Variants in EBF2 observed in about 807,000 individuals in gnomAD.
EBF2 encodes transcription factor COE2.
In EBF2, 21 loss-of-function variants were observed where a neutral mutation model predicts 72.8. The ratio of observed to expected loss-of-function variants is 0.29; its 90% CI spans 0.20 to 0.42. The LOEUF is 0.42. Ranked by LOEUF, EBF2 falls within the 10% of genes least tolerant of loss-of-function variation. The probability of loss-of-function intolerance (pLI) is 1.00; values close to 1 mark genes in which losing one functional copy is unlikely to be tolerated. For missense variants in EBF2, 637 were observed against 731.2 expected (o/e 0.87, Z 1.49); for synonymous variants, 299 against 274.2 (o/e 1.09, Z -0.89).
At position 25,984,750 on chromosome 8, in the gene EBF2, C is replaced by G. The variant is rs144555254; in HGVS notation, c.551+48335G>C. ...CCTGCTTCTAGGTAATGAAATTTGC[C>G]CAGTATTCTTTGATATCTACATTTT... On this transcript the variant is annotated intron_variant, in intron 6 of 15. Transcript: ENST00000520164. 3.4e-4 allele frequency among the ~76,000 whole-genome samples: 51 copies of G among 152,044 alleles called. 1 individual carries two copies. The highest frequency in any genetic ancestry group is 1.2e-3 in the African/African-American group (50 of 41,484).
At chr8:25,981,102 C>T (rs1804354788) in intron 6 of EBF2, among the ~76,000 whole-genome samples, 2 of 152,140 alleles carry the variant, frequency 1.3e-5, no homozygotes, top group Non-Finnish European at 2.9e-5. Flanking sequence ...CTGCTCTGCC[C>T]CCGAAGCCTC....
intron 4 of EBF2, 72 bp from the exon 5 acceptor site, chr8:26,040,173 A>G (rs1805574724): frequency 3.4e-6 from 5 of 1,471,906 alleles, no homozygotes; most frequent in Non-Finnish European, 4.7e-6. Context: ...GGGACTTCAG[A>G]ACAAGCACAA....
chr8:25,856,929 A>G (rs1203230201), intron 14 of EBF2, among the ~76,000 whole-genome samples: 1 of 152,128 alleles, frequency 6.6e-6, no homozygotes, highest in Non-Finnish European at 1.5e-5. Context: ...GCATTTTCTA[A>G]TTTCCTGAAC....
intron 6 of EBF2, among the ~76,000 whole-genome samples, chr8:26,027,177 C>G (rs963891294): frequency 7.2e-5 from 11 of 152,198 alleles, no homozygotes; most frequent in Non-Finnish European, 1.3e-4. Context: ...AATTCTATCT[C>G]TACCATGATT....
At chr8:25,846,147 T>C (rs1801828456) in intron 15 of EBF2, among the ~76,000 whole-genome samples, 1 of 152,230 alleles carries the variant, frequency 6.6e-6, no homozygotes, top group Non-Finnish European at 1.5e-5. Context: ...AACTTTTCAA[T>C]AAAGGCGGTT....
intron 14 of EBF2, among the ~76,000 whole-genome samples, chr8:25,857,439 C>T (rs1802115793): frequency 6.6e-6 from 1 of 152,112 alleles, no homozygotes; most frequent in African/African-American, 2.4e-5. Flanking sequence ...CACAAGGGAA[C>T]CACACTGGGT....
intron 6 of EBF2, among the ~76,000 whole-genome samples, chr8:25,926,282 G>C (rs144215636): frequency 3.0e-3 from 461 of 152,220 alleles, no homozygotes; most frequent in Middle Eastern, 0.014. Flanking sequence ...TCCAAGGCAG[G>C]CTGGCTCCCC....
At chr8:25,857,777 GA>G (rs1045256833) in intron 14 of EBF2, among the ~76,000 whole-genome samples, 2 of 152,076 alleles carry the variant, frequency 1.3e-5, no homozygotes, top group African/African-American at 4.8e-5. Flanking sequence ...GAAAGGAGGG[GA>G]AAACCAGGTT....
At chr8:26,037,427 C>T (rs17818981) in intron 5 of EBF2, among the ~76,000 whole-genome samples, 36,952 of 152,086 alleles carry the variant, frequency 0.24, 4,685 homozygotes, top group South Asian at 0.32. Context: ...CTCAAATAAG[C>T]GCACAGCATG....
chr8:25,939,981 G>A (rs566689968), intron 6 of EBF2, among the ~76,000 whole-genome samples: 49 of 152,306 alleles, frequency 3.2e-4, no homozygotes, highest in African/African-American at 1.1e-3. Context: ...TGTCAAGGGT[G>A]CCATAAAGAG....
At chr8:26,040,912 G>A (rs1253196859) in intron 3 of EBF2, 27 bp downstream of exon 3, 33 of 1,613,554 alleles carry the variant, frequency 2.0e-5, no homozygotes, top group Admixed American at 1.3e-4. Flanking sequence ...CTAGGCGCCG[G>A]CTCACCGTTG....
intron 6 of EBF2, among the ~76,000 whole-genome samples, chr8:25,980,064 C>T (rs891060186): frequency 7.2e-5 from 11 of 152,174 alleles, no homozygotes. Context: ...TTGCTTTGCA[C>T]TGTAGCTGTC....
chr8:25,934,410 T>G (rs1178712225), intron 6 of EBF2, among the ~76,000 whole-genome samples: 1 of 152,254 alleles, frequency 6.6e-6, no homozygotes, highest in Non-Finnish European at 1.5e-5. Flanking sequence ...GCCCTTATTG[T>G]GGTACCCACA....
intron 6 of EBF2, among the ~76,000 whole-genome samples, chr8:25,926,152 G>A (rs1803382471): frequency 6.6e-6 from 1 of 152,100 alleles, no homozygotes; most frequent in Non-Finnish European, 1.5e-5. Context: ...CCAGGTGAGG[G>A]CTCTGTGTCC....
intron 7 of EBF2, among the ~76,000 whole-genome samples, chr8:25,907,472 A>C (rs953311088): frequency 1.3e-5 from 2 of 150,840 alleles, no homozygotes; most frequent in African/African-American, 4.9e-5. Context: ...AATTTCAAGA[A>C]GACAACAGCA....
At chr8:25,974,238 G>A (rs1006699326) in intron 6 of EBF2, among the ~76,000 whole-genome samples, 1 of 152,164 alleles carries the variant, frequency 6.6e-6, no homozygotes, top group Non-Finnish European at 1.5e-5. Flanking sequence ...ACCAGACCAG[G>A]CTCCAGGACC....
rs549987568 is a variant in EBF2 at position 25,872,855 on chromosome 8, G to A, written c.1010-10058C>T. Among the ~76,000 whole-genome samples the A allele has an allele frequency of 2.6e-5, 4 of 152,324 alleles. No homozygotes were observed. The East Asian group carries it at 7.7e-4, about 29-fold the overall frequency. ...AGGAGAATTACTCTCTGTTGACAGC[G>A]TAGGAAGGCATGAAACACAATCTGG... On this transcript the variant is annotated intron_variant, in intron 10 of 15. Transcript: ENST00000520164.
chr8:25,935,059 G>A (rs112662446), intron 6 of EBF2, among the ~76,000 whole-genome samples: 2,314 of 152,262 alleles, frequency 0.015, 18 homozygotes, highest in Non-Finnish European at 0.024. Context: ...ATCCCAACGC[G>A]ACAACTAGAC....
intron 6 of EBF2, 35 bp from the exon 7 acceptor site, chr8:25,908,590 T>C: frequency 7.4e-7 from 1 of 1,357,866 alleles, no homozygotes; most frequent in South Asian, 1.2e-5. Flanking sequence ...CATTTTTCAG[T>C]AAACATTTTT....
Sources: allele counts gnomAD v4.1 joint callset (sites outside exome capture counted in the v4.1 genomes callset), GRCh38; gene constraint gnomAD v4.1.1; transcripts MANE v1.5; gene names NCBI Gene and HGNC (gene_info 2026-07-23, HGNC 2026-07-21).